MKLN1: variants seen among roughly 807,000 people sequenced by gnomAD.
MKLN1 encodes muskelin 1.
A neutral mutation model predicts 99.0 loss-of-function variants in MKLN1; 18 were observed. The ratio of observed to expected loss-of-function variants is 0.18; its 90% CI spans 0.13 to 0.27. The LOEUF is 0.27. Ranked by LOEUF, MKLN1 falls within the 10% of genes least tolerant of loss-of-function variation. The pLI, the probability that MKLN1 is intolerant of heterozygous loss-of-function variation, is 1.00. For synonymous variants in MKLN1, 288 were observed against 293.2 expected (o/e 0.98, Z 0.18); for missense variants, 621 against 875.9 (o/e 0.71, Z 3.67).
chr7:131,110,903 A>G (rs1466881522), intron 1 of MKLN1, among the ~76,000 whole-genome samples: 1 of 152,116 alleles, frequency 6.6e-6, no homozygotes, highest in African/African-American at 2.4e-5. Context: ...AATACTACTC[A>G]CTTTAGGTGA....
chr7:131,275,361 G>GT, intron 3 of MKLN1, among the ~76,000 whole-genome samples: 1 of 125,002 alleles, frequency 8.0e-6, no homozygotes, highest in African/African-American at 3.0e-5. Flanking sequence ...TGTCGTTGTT[G>GT]TTGGTTTTTT....
chr7:131,234,520 G>A (rs1018030807), intron 3 of MKLN1, among the ~76,000 whole-genome samples: 16 of 152,138 alleles, frequency 1.1e-4, no homozygotes, highest in African/African-American at 3.4e-4. Context: ...CGTGTAAACT[G>A]GCTAGGCCAG....
chr7:131,347,730 T>C (rs1799606519), intron 1 of MKLN1, among the ~76,000 whole-genome samples: 1 of 152,252 alleles, frequency 6.6e-6, no homozygotes, highest in Admixed American at 6.5e-5. Flanking sequence ...ATTTCATTTA[T>C]ACTTAAACTG....
At chr7:131,133,428 T>C (rs1481142938) in intron 1 of MKLN1, among the ~76,000 whole-genome samples, 12 of 146,664 alleles carry the variant, frequency 8.2e-5, no homozygotes, top group East Asian at 2.1e-4. Flanking sequence ...GATCTCGGCT[T>C]ACTGCAACCT....
At chr7:131,429,544 G>A (rs923359126) in intron 9 of MKLN1, among the ~76,000 whole-genome samples, 32 of 151,706 alleles carry the variant, frequency 2.1e-4, no homozygotes, top group African/African-American at 5.8e-4. Flanking sequence ...CCCTATTTTG[G>A]CTCCTGTTAT....
chr7:131,408,514 C>T (rs1794776329), intron 6 of MKLN1, among the ~76,000 whole-genome samples: 1 of 152,118 alleles, frequency 6.6e-6, no homozygotes, highest in East Asian at 1.9e-4. Flanking sequence ...GTACTATAAT[C>T]TATGTGGATT....
At chr7:131,325,428 T>A (rs1470914083), upstream of MKLN1, among the ~76,000 whole-genome samples, 1 of 152,074 alleles carries the variant, frequency 6.6e-6, no homozygotes, top group Non-Finnish European at 1.5e-5. Context: ...CAGTGGCTCA[T>A]ACCTGTAATC....
intron 1 of MKLN1, among the ~76,000 whole-genome samples, chr7:131,336,295 TTCTC>T (rs760046039): frequency 1.9e-4 from 29 of 152,108 alleles, no homozygotes; most frequent in Non-Finnish European, 3.5e-4. Context: ...TGGTAAAACT[TTCTC>T]TCTCCTTTTT....
chr7:131,156,310 G>A (rs867025792), intron 2 of MKLN1, among the ~76,000 whole-genome samples: 1 of 151,808 alleles, frequency 6.6e-6, no homozygotes, highest in Admixed American at 6.6e-5. Context: ...GGTGGATCAC[G>A]AGGTCAGGAG....
intron 3 of MKLN1, among the ~76,000 whole-genome samples, chr7:131,218,792 G>C (rs79097575): frequency 6.6e-6 from 1 of 151,864 alleles, no homozygotes; most frequent in East Asian, 1.9e-4. Context: ...CCTTCCCCCC[G>C]ACCCCCGACC....
chr7:131,257,204 A>T (rs948364006), intron 3 of MKLN1, among the ~76,000 whole-genome samples: 4 of 152,184 alleles, frequency 2.6e-5, no homozygotes, highest in Non-Finnish European at 2.9e-5. Context: ...GTTCTCTAGG[A>T]TATACTTATT....
chr7:131,271,542 G>C (rs529105857), intron 3 of MKLN1, among the ~76,000 whole-genome samples: 1 of 149,588 alleles, frequency 6.7e-6, no homozygotes, highest in Admixed American at 6.7e-5. Flanking sequence ...GCGTGAACCC[G>C]GGAGGCGGAG....
chr7:131,114,438 T>C (rs1795244351), intron 1 of MKLN1, among the ~76,000 whole-genome samples: 1 of 151,972 alleles, frequency 6.6e-6, no homozygotes, highest in Non-Finnish European at 1.5e-5. Context: ...GAATAGTTCA[T>C]GGAAGTAGAT....
intron 3 of MKLN1, among the ~76,000 whole-genome samples, chr7:131,235,136 T>C (rs1039943441): frequency 1.3e-5 from 2 of 152,134 alleles, no homozygotes; most frequent in Admixed American, 1.3e-4. Flanking sequence ...GATCAGTTGA[T>C]ACAAAAAGAC....
intron 4 of MKLN1, among the ~76,000 whole-genome samples, chr7:131,392,885 G>A (rs1794243705): frequency 6.6e-6 from 1 of 151,904 alleles, no homozygotes. Context: ...GATTACAGGC[G>A]TGAGCCACTG....
At chr7:131,284,518 A>G (rs1798104520) in intron 3 of MKLN1, among the ~76,000 whole-genome samples, 1 of 152,168 alleles carries the variant, frequency 6.6e-6, no homozygotes, top group South Asian at 2.1e-4. Context: ...CTGGATTTAG[A>G]TGTTTGAGGA....
intron 1 of MKLN1, among the ~76,000 whole-genome samples, chr7:131,134,523 C>T (rs927016575): frequency 2.0e-5 from 3 of 152,212 alleles, no homozygotes; most frequent in African/African-American, 4.8e-5. Context: ...GGATATCCCA[C>T]AATTACTGTG....
At chr7:131,323,972 C>T (rs537847128), upstream of MKLN1, 1 of 152,250 alleles carries the variant, frequency 6.6e-6, no homozygotes, top group Non-Finnish European at 1.5e-5. Flanking sequence ...CAACTGCTAT[C>T]TCAAACACAT....
chr7:131,138,359 T>G (rs1289000417), intron 1 of MKLN1, among the ~76,000 whole-genome samples: 1 of 152,242 alleles, frequency 6.6e-6, no homozygotes, highest in Non-Finnish European at 1.5e-5. Context: ...TCACGGTTTT[T>G]AAATTTTTCA....
Sources: gnomAD v4.1 joint callset for allele counts (sites outside exome capture counted in the v4.1 genomes callset) on GRCh38, gnomAD v4.1.1 for gene constraint, MANE v1.5 for transcripts, NCBI Gene and HGNC (gene_info 2026-07-23, HGNC 2026-07-21) for gene names.